Variants in RFTN1 observed in about 807,000 individuals in gnomAD.
RFTN1 encodes the protein raftlin, lipid raft linker 1, also known as raftlin.
A neutral mutation model predicts 46.5 loss-of-function variants in RFTN1; 26 were observed. The ratio of observed to expected loss-of-function variants is 0.56; its 90% CI spans 0.41 to 0.78. The LOEUF (loss-of-function observed/expected upper bound fraction) is 0.78, where lower values mean the gene tolerates loss of function less well. Among genes scored for constraint, RFTN1 ranks in the 30% least tolerant of loss-of-function variants. The pLI is 0.00. For synonymous variants in RFTN1, 261 were observed against 284.2 expected (o/e 0.92, Z 0.82); for missense variants, 693 against 718.7 (o/e 0.96, Z 0.41).
In RFTN1 at chr3:16,410,805, A is replaced by T. The variant is rs2074968809; in HGVS notation, c.333-1322T>A. On this transcript the variant is annotated intron_variant, in intron 3 of 9. Coordinates refer to ENST00000334133, the MANE Select transcript of RFTN1 (RefSeq NM_015150.2). This position sits in a 1 kb window ranked among gnomAD's most constrained non-coding sequence, Gnocchi z 4.6. ...GCACAGTTCAAAACTGCACCCATTC[A>T]GGAGAGCCAGCAGCAAGTGGTCACC... is the stretch of plus-strand genomic sequence containing the variant. 6.6e-6 allele frequency among the ~76,000 whole-genome samples: 1 copy of T among 152,212 alleles called. No homozygotes were observed. Among genetic ancestry groups the T allele is most frequent in the African/African-American group, 2.4e-5 (1 of 41,450 alleles).
At chr3:16,444,022 A>G (rs571021033) in intron 2 of RFTN1, among the ~76,000 whole-genome samples, 1 of 152,370 alleles carries the variant, frequency 6.6e-6, no homozygotes, top group Non-Finnish European at 1.5e-5. Context: ...CCCACTAGAT[A>G]TGGAACCTGG....
chr3:16,330,679 T>C, intron 7 of RFTN1, among the ~76,000 whole-genome samples: 1 of 152,246 alleles, frequency 6.6e-6, no homozygotes, highest in East Asian at 1.9e-4. Context: ...TTTCAACTCG[T>C]ATAAAAGGAA....
In RFTN1 at chr3:16,452,730, C is replaced by T. The variant is rs1231986729; in HGVS notation, c.146-18693G>A. ...CTTCAGTAAGATGAGGAATGGAAGA[C>T]ATCCACTGGATTTAGAGATCACTGG... On this transcript the variant is annotated intron_variant, in intron 2 of 9. Coordinates refer to ENST00000334133, the MANE Select transcript of RFTN1 (RefSeq NM_015150.2). This position sits in a 1 kb window ranked among gnomAD's most constrained non-coding sequence, Gnocchi z 6.3. 6.6e-6 allele frequency among the ~76,000 whole-genome samples: 1 copy of T among 152,206 alleles called. No homozygotes were observed. Among genetic ancestry groups the T allele is most frequent in the Non-Finnish European group, 1.5e-5 (1 of 68,038 alleles).
At chr3:16,379,180 T>C (rs561271988) in intron 4 of RFTN1, among the ~76,000 whole-genome samples, 1 of 152,300 alleles carries the variant, frequency 6.6e-6, no homozygotes, top group African/African-American at 2.4e-5. Flanking sequence ...TGAGAGTCAG[T>C]TTTGCCAGCA....
chr3:16,470,919 T>C (rs1267584678), intron 2 of RFTN1, among the ~76,000 whole-genome samples: 2 of 152,174 alleles, frequency 1.3e-5, no homozygotes, highest in Non-Finnish European at 2.9e-5. Context: ...CAAACAAGAA[T>C]TTCCAGATAA....
rs1178916926 is a variant in RFTN1 at position 16,507,192 on chromosome 3, G to A, written c.-9+6250C>T. 1.3e-5 allele frequency among the ~76,000 whole-genome samples: 2 copies of A among 152,186 alleles called. No homozygotes were observed. Among genetic ancestry groups the A allele is most frequent in the Non-Finnish European group, 2.9e-5 (2 of 68,032 alleles). On this transcript the variant is annotated intron_variant, in intron 1 of 9. Transcript: ENST00000334133. This position sits in a 1 kb window ranked among gnomAD's most constrained non-coding sequence, Gnocchi z 7.1. ...TCAGAAGAGCTCAGACACATAGAAA[G>A]AGCAGTATAAATATTAACCGTTTTA...
intron 2 of RFTN1, among the ~76,000 whole-genome samples, chr3:16,493,037 G>C (rs1348031429): frequency 6.6e-6 from 1 of 152,202 alleles, no homozygotes. Context: ...GAGCCCTCTT[G>C]CGAGATGGCA....
intron 1 of RFTN1, among the ~76,000 whole-genome samples, chr3:16,501,099 C>G (rs1467654554): frequency 6.6e-6 from 1 of 152,108 alleles, no homozygotes; most frequent in Admixed American, 6.5e-5. Flanking sequence ...ATCGCACCAC[C>G]GCACTGCAGG....
intron 2 of RFTN1, among the ~76,000 whole-genome samples, chr3:16,492,715 C>T (rs1474741744): frequency 6.6e-6 from 1 of 152,236 alleles, no homozygotes; most frequent in East Asian, 1.9e-4. Context: ...CTTCCAAAAA[C>T]ATGTCTTATA....
intron 3 of RFTN1, among the ~76,000 whole-genome samples, chr3:16,411,937 A>G (rs1559333711): frequency 2.0e-5 from 3 of 152,236 alleles, no homozygotes; most frequent in Non-Finnish European, 4.4e-5. Flanking sequence ...GTTGGTCTGT[A>G]AGCAACTCAC....
rs2075211796 is a variant in RFTN1, at chr3:16,422,734, A to G, written c.332+11117T>C. Among the ~76,000 whole-genome samples the G allele has an allele frequency of 6.6e-6, 1 of 152,242 alleles. No individual in the cohort carries two copies. The highest frequency in any genetic ancestry group is 2.1e-4 in the South Asian group (1 of 4,834). Reference sequence around the variant, plus strand: ...ACAAAAATCAATAAGTAGATCAAAGAAACAATAAAGAATCAGGAATAGATT... The same window carrying G: ...ACAAAAATCAATAAGTAGATCAAAGGAACAATAAAGAATCAGGAATAGATT... On this transcript the variant is annotated intron_variant, in intron 3 of 9. Transcript: ENST00000334133. The surrounding 1 kb of genome is among the most constrained non-coding windows in gnomAD (Gnocchi z 4.6).
intron 1 of RFTN1, among the ~76,000 whole-genome samples, chr3:16,508,833 T>TA (rs34035632): frequency 1.1e-4 from 17 of 150,150 alleles, no homozygotes; most frequent in Middle Eastern, 3.4e-3. Flanking sequence ...AACTGAAGGG[T>TA]AAAAAAAAAA....
At chr3:16,403,149 G>T (rs557810949) in intron 4 of RFTN1, among the ~76,000 whole-genome samples, 2 of 152,140 alleles carry the variant, frequency 1.3e-5, no homozygotes, top group African/African-American at 4.8e-5. Flanking sequence ...CCCAACACGC[G>T]TTATGGCCAT....
In RFTN1 at chr3:16,510,422, A is replaced by G. The variant is rs73146258; in HGVS notation, c.-9+3020T>C. ...TTCACAACCAAGGGTACATTCCCCT[A>G]TGGAATTCCCTTCTCTGAAAATCTC... On this transcript the variant is annotated intron_variant, in intron 1 of 9. Transcript: ENST00000334133. 5.8e-3 allele frequency among the ~76,000 whole-genome samples: 890 copies of G among 152,370 alleles called. 10 individuals are homozygous for G. The highest frequency in any genetic ancestry group is 0.02 in the African/African-American group (824 of 41,584).
Position 16,377,902 on chromosome 3 carries a change from C to T in RFTN1, c.642G>A (p.Pro214=), listed in dbSNP as rs1160242090. Residue 214 remains proline (P), a synonymous_variant, in exon 5 of 10, where the codon CCG becomes CCA. Coordinates refer to ENST00000334133, the MANE Select transcript of RFTN1 (RefSeq NM_015150.2). ...GCTCTGGGCTTTGGTTTCTCCCAGC[C>T]GGAGCACTGCACACATCCCCAGTCC... ...KPGTGDVCSA[P]AGRNQSPEPS... is the part of the protein sequence containing the mutation. 10 of 1,614,104 alleles carry T rather than the reference C, an allele frequency of 6.2e-6. No individual in the cohort carries two copies. The highest frequency in any genetic ancestry group is 1.1e-5 in the South Asian group (1 of 91,088).
intron 9 of RFTN1, among the ~76,000 whole-genome samples, chr3:16,319,899 G>T (rs2068848151): frequency 6.6e-6 from 1 of 152,172 alleles, no homozygotes; most frequent in African/African-American, 2.4e-5. Context: ...TGGACTCCAG[G>T]TTTTGAGTAG....
In RFTN1 at chr3:16,441,812, T is replaced by G. The variant is rs186993004; in HGVS notation, c.146-7775A>C. On this transcript the variant is annotated intron_variant, in intron 2 of 9. Coordinates refer to ENST00000334133, the MANE Select transcript of RFTN1 (RefSeq NM_015150.2). Reference sequence around the variant, plus strand: ...ACAGGTGAAGCTGATAATGTTACACTGCTCAACCAAATCTCTCTTTTTTAA... The same window carrying G: ...ACAGGTGAAGCTGATAATGTTACACGGCTCAACCAAATCTCTCTTTTTTAA... 6.6e-4 allele frequency among the ~76,000 whole-genome samples: 101 copies of G among 152,374 alleles called. 1 individual carries two copies. The highest frequency in any genetic ancestry group is 8.2e-4 in the Non-Finnish European group (56 of 68,038).
At chr3:16,333,781 A>G (rs2070566474) in intron 7 of RFTN1, among the ~76,000 whole-genome samples, 1 of 152,218 alleles carries the variant, frequency 6.6e-6, no homozygotes, top group Non-Finnish European at 1.5e-5. Context: ...CCAAATTTTA[A>G]AAGGGCCAAA....
intron 2 of RFTN1, among the ~76,000 whole-genome samples, chr3:16,464,154 G>T (rs772466502): frequency 1.4e-4 from 22 of 152,166 alleles, no homozygotes; most frequent in Non-Finnish European, 2.9e-4. Context: ...AGCCAACTGT[G>T]CATTTCTGGC....
Sources: allele counts gnomAD v4.1 joint callset (sites outside exome capture counted in the v4.1 genomes callset), GRCh38; gene constraint gnomAD v4.1.1; non-coding constraint Gnocchi (gnomAD v3.1); transcripts MANE v1.5; gene names NCBI Gene and HGNC (gene_info 2026-07-23, HGNC 2026-07-21).